The following ARHGAP10 variants were observed in gnomAD, a reference collection of about 807,000 sequenced individuals.
ARHGAP10 encodes Rho GTPase activating protein 10.
ARHGAP10 carries 87 observed loss-of-function variants against 108.6 expected under a neutral mutation model. That is an observed-to-expected ratio of 0.80 (90% CI 0.67 to 0.96). The LOEUF (loss-of-function observed/expected upper bound fraction) is 0.96, where lower values mean the gene tolerates loss of function less well. Among genes scored for constraint, ARHGAP10 ranks in the 40% least tolerant of loss-of-function variants. ARHGAP10 has a pLI of 0.00. For missense variants in ARHGAP10, 939 were observed against 954.5 expected, an observed-to-expected ratio of 0.98 and a Z score of 0.21; for synonymous variants, 347 against 341.1, an observed-to-expected ratio of 1.02 and a Z score of -0.19.
chr4:147,732,950 C>T (rs1015856956), intron 1 of ARHGAP10, among the ~76,000 whole-genome samples: 1 of 152,212 alleles, frequency 6.6e-6, no homozygotes, highest in South Asian at 2.1e-4. Context: ...TAAGCTTCAC[C>T]TTTTCCCTCT....
At chr4:147,989,645 C>A (rs975021757) in intron 18 of ARHGAP10, among the ~76,000 whole-genome samples, 1 of 152,176 alleles carries the variant, frequency 6.6e-6, no homozygotes, top group South Asian at 2.1e-4. Flanking sequence ...AGCTCACCGG[C>A]GGTCAGAGTT....
At chr4:147,853,250 C>T (rs1372158341) in intron 4 of ARHGAP10, among the ~76,000 whole-genome samples, 6 of 152,188 alleles carry the variant, frequency 3.9e-5, no homozygotes, top group Admixed American at 2.6e-4. Context: ...CACACAGGCA[C>T]GGGAGAACCT....
intron 1 of ARHGAP10, among the ~76,000 whole-genome samples, chr4:147,798,281 G>A (rs2126756084): frequency 6.6e-6 from 1 of 152,008 alleles, no homozygotes; most frequent in Admixed American, 6.5e-5. Context: ...CATCTTCGTT[G>A]TCTCTGGCTG....
intron 18 of ARHGAP10, among the ~76,000 whole-genome samples, chr4:148,011,147 AGTTT>A (rs1486545257): frequency 3.3e-5 from 5 of 152,236 alleles, no homozygotes; most frequent in African/African-American, 1.2e-4. Flanking sequence ...ACATGACATC[AGTTT>A]GTTCCATTAT....
At chr4:147,970,352 C>CGA (rs2149617576) in intron 18 of ARHGAP10, among the ~76,000 whole-genome samples, 1 of 149,646 alleles carries the variant, frequency 6.7e-6, no homozygotes, top group Non-Finnish European at 1.5e-5. Context: ...AAGATGAAAA[C>CGA]GAGAGAGGGA....
At chr4:147,782,640 C>T (rs1282846778) in intron 1 of ARHGAP10, 4 of 151,228 alleles carry the variant, frequency 2.6e-5, no homozygotes, top group Admixed American at 6.6e-5. Flanking sequence ...GATGCAGGGA[C>T]TGGCATGCTG....
At chr4:148,054,630 T>C (rs1354681650) in intron 20 of ARHGAP10, among the ~76,000 whole-genome samples, 2 of 152,242 alleles carry the variant, frequency 1.3e-5, no homozygotes, top group African/African-American at 2.4e-5. Flanking sequence ...TAGCAGTTAC[T>C]GTATTTATTC....
At chr4:147,985,268 G>A (rs1277098202) in intron 18 of ARHGAP10, among the ~76,000 whole-genome samples, 2 of 152,094 alleles carry the variant, frequency 1.3e-5, no homozygotes, top group Non-Finnish European at 2.9e-5. Context: ...ACTGTACCAC[G>A]GTCTCTGCAC....
intron 1 of ARHGAP10, among the ~76,000 whole-genome samples, chr4:147,758,806 C>T (rs1308445366): frequency 6.6e-6 from 1 of 151,720 alleles, no homozygotes; most frequent in Non-Finnish European, 1.5e-5. Flanking sequence ...TGGTGAAACC[C>T]GGTCTCTACT....
chr4:147,743,733 C>T (rs1286743326), intron 1 of ARHGAP10, among the ~76,000 whole-genome samples: 4 of 152,100 alleles, frequency 2.6e-5, no homozygotes, highest in Admixed American at 1.3e-4. Flanking sequence ...GCCAAGATTG[C>T]GCCATTGCAC....
chr4:148,019,783 A>G (rs1024906707), intron 18 of ARHGAP10, among the ~76,000 whole-genome samples: 4 of 151,874 alleles, frequency 2.6e-5, no homozygotes, highest in African/African-American at 9.7e-5. Context: ...AAAACAAAAC[A>G]AAAAACAAAA....
chr4:147,949,529 A>T (rs942084860), intron 15 of ARHGAP10, among the ~76,000 whole-genome samples: 9 of 152,200 alleles, frequency 5.9e-5, no homozygotes, highest in Admixed American at 5.9e-4. Context: ...GGCATCTGAC[A>T]TCCTGCAGTA....
At chr4:147,815,104 A>G (rs1208371638) in intron 1 of ARHGAP10, among the ~76,000 whole-genome samples, 1 of 152,110 alleles carries the variant, frequency 6.6e-6, no homozygotes, top group Non-Finnish European at 1.5e-5. Flanking sequence ...GAAAATCCTT[A>G]AAGGACCCTC....
At chr4:147,855,169 C>G (rs1734034552) in intron 4 of ARHGAP10, among the ~76,000 whole-genome samples, 1 of 152,164 alleles carries the variant, frequency 6.6e-6, no homozygotes, top group African/African-American at 2.4e-5. Flanking sequence ...TTCCATTTGT[C>G]TTTTGTTTAA....
At chr4:148,066,902 A>G (rs1156703713) in intron 22 of ARHGAP10, among the ~76,000 whole-genome samples, 17 of 152,202 alleles carry the variant, frequency 1.1e-4, no homozygotes, top group African/African-American at 3.6e-4. Context: ...CACACTGGGT[A>G]CATTGTAGTG....
chr4:147,798,769 CTCTCTCTCTCTCTATATATATATA>C (rs1353737858), intron 1 of ARHGAP10, among the ~76,000 whole-genome samples: 39 of 5,578 alleles, frequency 7.0e-3, no homozygotes, highest in Admixed American at 0.019. Flanking sequence ...CTCTCTCTCT[CTCTCTCTCTCTCTATATATATATA>C]TATATATATA....
chr4:148,013,234 A>C (rs367660659), intron 18 of ARHGAP10, among the ~76,000 whole-genome samples: 8 of 152,348 alleles, frequency 5.3e-5, no homozygotes, highest in African/African-American at 1.9e-4. Context: ...TGGAAAAAAG[A>C]AAGTATTGGA....
chr4:147,932,823 G>A (rs1256179583), intron 13 of ARHGAP10, among the ~76,000 whole-genome samples: 3 of 151,954 alleles, frequency 2.0e-5, no homozygotes, highest in Non-Finnish European at 4.4e-5. Flanking sequence ...ATAAAAAATG[G>A]AAAAAACAAT....
At chr4:147,932,619 G>A (rs920104676) in intron 13 of ARHGAP10, among the ~76,000 whole-genome samples, 1 of 151,160 alleles carries the variant, frequency 6.6e-6, no homozygotes, top group Admixed American at 6.6e-5. Flanking sequence ...ATGGACACAT[G>A]GGGGGAACAA....
Sources: gnomAD v4.1 joint callset for allele counts (sites outside exome capture counted in the v4.1 genomes callset) on GRCh38, gnomAD v4.1.1 for gene constraint, MANE v1.5 for transcripts, NCBI Gene and HGNC (gene_info 2026-07-23, HGNC 2026-07-21) for gene names.